MMP26: variants seen among roughly 807,000 people sequenced by gnomAD.
MMP26 encodes the protein matrix metallopeptidase 26, also known as matrix metalloproteinase-26.
In MMP26, 33 loss-of-function variants were observed where a neutral mutation model predicts 31.0. That is an observed-to-expected ratio of 1.06 (90% CI 0.81 to 1.42). The LOEUF is 1.42. Ranked by LOEUF, MMP26 falls within the 40% of genes most tolerant of loss-of-function variation. The pLI, the probability that MMP26 is intolerant of heterozygous loss-of-function variation, is 0.00. For missense variants in MMP26, 347 were observed against 316.1 expected (o/e 1.10, Z -0.74); for synonymous variants, 122 against 114.9 (o/e 1.06, Z -0.40).
intron 1 of MMP26, among the ~76,000 whole-genome samples, chr11:4,724,684 G>C (rs1390846644): frequency 6.6e-6 from 1 of 152,178 alleles, no homozygotes; most frequent in Non-Finnish European, 1.5e-5. Context: ...GTAGGAGAAA[G>C]TTTTTGTATA....
chr11:4,854,122 A>G (rs375433351), intron 2 of MMP26, among the ~76,000 whole-genome samples: 85 of 152,334 alleles, frequency 5.6e-4, no homozygotes, highest in African/African-American at 1.9e-3. Flanking sequence ...GAATAGGAAC[A>G]GCTCCAGTCT....
chr11:4,775,588 CAG>C (rs1469199930), intron 2 of MMP26, among the ~76,000 whole-genome samples: 18 of 152,136 alleles, frequency 1.2e-4, no homozygotes, highest in Admixed American at 1.1e-3. Context: ...TGTAAAGAAA[CAG>C]AGGTTTATTT....
chr11:4,761,865 T>G (rs141435900), intron 1 of MMP26, among the ~76,000 whole-genome samples: 124 of 152,260 alleles, frequency 8.1e-4, no homozygotes, highest in African/African-American at 2.9e-3. Context: ...AACAAATGGA[T>G]TTCTACAATT....
intron 2 of MMP26, among the ~76,000 whole-genome samples, chr11:4,818,654 CTA>C (rs750351231): frequency 6.6e-6 from 1 of 152,124 alleles, no homozygotes. Context: ...TCATTTTTTC[CTA>C]TATTCTTCAA....
chr11:4,731,291 A>G (rs1237081801), intron 1 of MMP26, among the ~76,000 whole-genome samples: 2 of 152,160 alleles, frequency 1.3e-5, no homozygotes, highest in African/African-American at 2.4e-5. Context: ...GACACACTGA[A>G]TCAGCTTCCC....
Position 4,789,530 on chromosome 11 carries a change from C to CTTTTT in MMP26, c.-145+22214_-145+22218dup, listed in dbSNP as rs71050429. ...TCCTGAAGGTAAAGATATCCCCCCA[C>CTTTTT]TTTTTTTTTTTTTTTTTTTTTTTTT... On this transcript the variant is annotated intron_variant, in intron 2 of 7. Coordinates refer to ENST00000380390, the MANE Select transcript of MMP26 (RefSeq NM_021801.5). Among the ~76,000 whole-genome samples the CTTTTT allele has an allele frequency of 5.0e-3, 332 of 65,974 alleles. 56 individuals carry two copies. The highest frequency in any genetic ancestry group is 9.5e-3 in the South Asian group (10 of 1,048). 43.3% of individuals were successfully genotyped at this position (65,974 alleles called of 152,430 possible).
At chr11:4,709,177 A>C (rs757367562) in intron 1 of MMP26, among the ~76,000 whole-genome samples, 4 of 152,076 alleles carry the variant, frequency 2.6e-5, no homozygotes, top group Non-Finnish European at 5.9e-5. Flanking sequence ...AGCAGGGTGA[A>C]TTTCCTGTTG....
At chr11:4,974,378 AT>A (rs933092626) in intron 2 of MMP26, among the ~76,000 whole-genome samples, 19 of 148,938 alleles carry the variant, frequency 1.3e-4, no homozygotes, top group South Asian at 2.2e-4. Flanking sequence ...TCAAAAAAAA[AT>A]ATATGTATAT....
Position 4,991,912 on chromosome 11 carries a change from G to A in MMP26, c.596-52G>A, listed in dbSNP as rs907109487. On this transcript the variant is annotated intron_variant, in intron 6 of 7. Transcript: ENST00000380390. Reference sequence around the variant, plus strand: ...CTTTGTCCTATTTCACACACTTTCAGCATTCCCTATGCATAGTTAATTTTA... The same window carrying A: ...CTTTGTCCTATTTCACACACTTTCAACATTCCCTATGCATAGTTAATTTTA... 26 of 1,438,596 alleles carry A rather than the reference G, an allele frequency of 1.8e-5. 1 individual carries two copies. In the African/African-American group the frequency reaches 3.8e-4, roughly 21 times the overall value. The allele number at this position is 1,438,596 out of a possible 1,614,324, so 89.1% of individuals were successfully genotyped here. A position where few individuals can be genotyped will look rare whatever the true frequency, so the allele number is the denominator to read the frequency against.
At position 4,925,211 on chromosome 11, in the gene MMP26, A is replaced by G. The variant is rs182162875; in HGVS notation, c.-144-62857A>G. Among the ~76,000 whole-genome samples the G allele has an allele frequency of 1.2e-3, 176 of 152,312 alleles. 1 individual carries two copies. Among genetic ancestry groups the G allele is most frequent in the Non-Finnish European group, 2.4e-4 (16 of 68,030 alleles). The stretch of plus-strand genomic sequence containing the variant: ...GTGACCTGGGTAGGTTTACAGAGCA[A>G]GTAAGTGTTGGGGATGAAATTTAAA... On this transcript the variant is annotated intron_variant, in intron 2 of 7. Transcript: ENST00000380390.
intron 2 of MMP26, among the ~76,000 whole-genome samples, chr11:4,893,905 G>A (rs1850664344): frequency 6.6e-6 from 1 of 151,584 alleles, no homozygotes; most frequent in Non-Finnish European, 1.5e-5. Flanking sequence ...TTTGAGACTA[G>A]CCTGGGCAAT....
chr11:4,903,296 T>C (rs1394458769), intron 2 of MMP26, among the ~76,000 whole-genome samples: 1 of 152,094 alleles, frequency 6.6e-6, no homozygotes, highest in East Asian at 1.9e-4. Context: ...TCAATGTTAA[T>C]ATTTTGCCAA....
At chr11:4,955,495 C>T in intron 2 of MMP26, 3 of 1,305,624 alleles carry the variant, frequency 2.3e-6, no homozygotes, top group Non-Finnish European at 3.2e-6. Flanking sequence ...AAGACAAACC[C>T]AAGTCTGACA....
At chr11:4,928,349 C>T (rs1056752446) in intron 2 of MMP26, among the ~76,000 whole-genome samples, 1 of 152,070 alleles carries the variant, frequency 6.6e-6, no homozygotes, top group Admixed American at 6.6e-5. Flanking sequence ...GTTTTCTCCA[C>T]AATACACATG....
At position 4,882,536 on chromosome 11, in the gene MMP26, G is replaced by A. The variant is rs139706082; in HGVS notation, c.-144-105532G>A. The A allele has an allele frequency of 5.0e-4, 806 of 1,613,812 alleles. 5 individuals are homozygous for A. In the African/African-American group the frequency reaches 8.5e-3, roughly 17 times the overall value. ...TCAGCTCTACCTGAATGGCACTGAC[G>A]TATTGTTTATTCTTTTCTCCTATGT... On this transcript the variant is annotated intron_variant, in intron 2 of 7. Transcript: ENST00000380390.
chr11:4,845,972 A>G (rs1849861398), intron 2 of MMP26, among the ~76,000 whole-genome samples: 2 of 152,312 alleles, frequency 1.3e-5, no homozygotes, highest in Admixed American at 1.3e-4. Context: ...AGTAAGTACA[A>G]CTACTTTGGA....
At chr11:4,728,871 A>G (rs1304706579) in intron 1 of MMP26, among the ~76,000 whole-genome samples, 1 of 152,066 alleles carries the variant, frequency 6.6e-6, no homozygotes, top group Non-Finnish European at 1.5e-5. Context: ...AAGTAAATGC[A>G]TTCTATTTTA....
chr11:4,768,911 G>T, intron 2 of MMP26: 1 of 1,013,444 alleles, frequency 9.9e-7, no homozygotes, highest in Non-Finnish European at 1.4e-6. Flanking sequence ...GGCAGTAAGA[G>T]AGCAAGTTCG....
At position 4,710,644 on chromosome 11, in the gene MMP26, T is replaced by TA. The variant is rs926353310; in HGVS notation, c.-217+5601dup. On this transcript the variant is annotated intron_variant, in intron 1 of 7. Coordinates refer to ENST00000380390, the MANE Select transcript of MMP26 (RefSeq NM_021801.5). ...CTTTCTTTCTATTCTGATGATCCAC[T>TA]AACTTACCATTTACACAGTTCTAAA... 6 of 352,280 alleles carry TA rather than the reference T, an allele frequency of 1.7e-5. No individual in the cohort carries two copies. In the Admixed American group the frequency reaches 1.9e-4, roughly 11 times the overall value. 21.8% of individuals were successfully genotyped at this position (352,280 alleles called of 1,614,324 possible). A position where few individuals can be genotyped will look rare whatever the true frequency, so the allele number is the denominator to read the frequency against.
Sources: allele counts gnomAD v4.1 joint callset (sites outside exome capture counted in the v4.1 genomes callset), GRCh38; gene constraint gnomAD v4.1.1; transcripts MANE v1.5; gene names NCBI Gene and HGNC (gene_info 2026-07-23, HGNC 2026-07-21).